LRP8: variants seen among roughly 807,000 people sequenced by gnomAD.
LRP8 encodes the protein LDL receptor related protein 8.
A neutral mutation model predicts 111.6 loss-of-function variants in LRP8; 46 were observed. That is an observed-to-expected ratio of 0.41 (90% CI 0.33 to 0.53). LRP8 has a LOEUF of 0.53. LRP8 is among the 20% of genes least tolerant of loss of function. The pLI is 0.20. For synonymous variants in LRP8, 464 were observed against 511.2 expected, an observed-to-expected ratio of 0.91 and a Z score of 1.24; for missense variants, 959 against 1,297.4, an observed-to-expected ratio of 0.74 and a Z score of 4.01.
intron 2 of LRP8, among the ~76,000 whole-genome samples, chr1:53,319,586 G>C (rs1654232036): frequency 6.6e-6 from 1 of 152,226 alleles, no homozygotes; most frequent in African/African-American, 2.4e-5. Flanking sequence ...GGCCCCACCA[G>C]AGACAAAGAG....
At position 53,257,251 on chromosome 1, in the gene LRP8, T is replaced by G. The variant is rs1044221278; in HGVS notation, c.2423A>C (p.His808Pro). The G allele has an allele frequency of 6.2e-7, 1 of 1,613,384 alleles. No individual in the cohort carries two copies. The highest frequency in any genetic ancestry group is 8.5e-7 in the Non-Finnish European group (1 of 1,179,902). ...PSTLSPATSNHSQHYANEDSK... is the reference protein window; with the variant it reads ...PSTLSPATSNPSQHYANEDSK... Reference sequence around the variant, plus strand: ...ACTCATTTCCTTACAGTGCTGGGAGTGGTTGCTGGTTGCAGGGCTTAGGGT... The same window carrying G: ...ACTCATTTCCTTACAGTGCTGGGAGGGGTTGCTGGTTGCAGGGCTTAGGGT... Residue 808 changes from histidine to proline, a missense_variant, in exon 15 of 19, where the codon CAC becomes CCC. By Grantham distance (77) the His-to-Pro change is moderately conservative. Coordinates refer to ENST00000306052, the MANE Select transcript of LRP8 (RefSeq NM_004631.5).
rs754588834 is a variant in LRP8, at chr1:53,260,540, C to T, written c.1980G>A (p.Leu660=). The change falls in exon 13 of 19, where the codon CTG becomes CTA. Residue 660 remains leucine (L), a synonymous_variant. Transcript: ENST00000306052. ...AIFSANRLNG[L]EISILAENLN... is the part of the protein sequence containing the mutation. ...GGTTCTCAGCCAGGATGGAGATTTC[C>T]AGGCCATTGAGCCGATTTGCACTGA... The T allele has an allele frequency of 3.7e-6, 6 of 1,614,166 alleles. No individual in the cohort carries two copies. Among genetic ancestry groups the T allele is most frequent in the Non-Finnish European group, 5.1e-6 (6 of 1,180,016 alleles).
At chr1:53,314,163 CCAGTGCTATGTGCTGTGCCA>C (rs917989099) in intron 2 of LRP8, among the ~76,000 whole-genome samples, 10 of 152,216 alleles carry the variant, frequency 6.6e-5, no homozygotes, top group African/African-American at 2.4e-4. Context: ...CCACAGCCCC[CCAGTGCTATGTGCTGTGCCA>C]CAGTCATTGC....
At position 53,277,109 on chromosome 1, in the gene LRP8, C is replaced by A. The variant is rs767645316; in HGVS notation, c.497-31G>T. Reference sequence around the variant, plus strand: ...CGGGACAGAGAGCCGGTCGGCCCGCCGACCCCCTCCCCGGCCGACCTGGGG... The same window carrying A: ...CGGGACAGAGAGCCGGTCGGCCCGCAGACCCCCTCCCCGGCCGACCTGGGG... On this transcript the variant is annotated intron_variant, in intron 4 of 18. Transcript: ENST00000306052. 9.7e-6 allele frequency: 14 copies of A among 1,450,246 alleles called. No homozygotes were observed. The African/African-American group carries it at 2.1e-4, about 21-fold the overall frequency. The allele number at this position is 1,450,246 out of a possible 1,614,324, so 89.8% of individuals were successfully genotyped here.
intron 2 of LRP8, among the ~76,000 whole-genome samples, chr1:53,300,896 C>A (rs1650704089): frequency 6.6e-6 from 1 of 152,220 alleles, no homozygotes; most frequent in South Asian, 2.1e-4. Flanking sequence ...TGCCCCTTAC[C>A]CTCTGGTGCC....
chr1:53,325,062 C>T lies in LRP8; in HGVS notation c.244+1811G>A, dbSNP rs187225178. On this transcript the variant is annotated intron_variant, in intron 2 of 18. Coordinates refer to ENST00000306052, the MANE Select transcript of LRP8 (RefSeq NM_004631.5). ...GGAGATAAGGCATAACCAGCCCAGACACGCAGTTTCTATTCCTTGCCTCGT... is the reference window on the plus strand; with the variant it reads ...GGAGATAAGGCATAACCAGCCCAGATACGCAGTTTCTATTCCTTGCCTCGT... 2.4e-4 allele frequency among the ~76,000 whole-genome samples: 36 copies of T among 152,356 alleles called. No homozygotes were observed. In the East Asian group the frequency reaches 4.8e-3, roughly 20 times the overall value.
At chr1:53,259,086 G>A (rs1646226361) in intron 13 of LRP8, among the ~76,000 whole-genome samples, 1 of 152,090 alleles carries the variant, frequency 6.6e-6, no homozygotes, top group Non-Finnish European at 1.5e-5. Context: ...CTCTGCAATT[G>A]TGAAGCCCTT....
rs1557882248 is a variant in LRP8, at chr1:53,327,771, G to A, written c.124+18C>T. 1.3e-6 allele frequency: 2 copies of A among 1,504,406 alleles called. No individual in the cohort carries two copies. Among genetic ancestry groups the A allele is most frequent in the Non-Finnish European group, 1.8e-6 (2 of 1,131,164 alleles). The allele number at this position is 1,504,406 out of a possible 1,614,324, so 93.2% of individuals were successfully genotyped here. A position where few individuals can be genotyped will look rare whatever the true frequency, so the allele number is the denominator to read the frequency against. On this transcript the variant is annotated intron_variant, in intron 1 of 18. Transcript: ENST00000306052. ...GCTAGGGCGGAGCAGAGCCGAGTCA[G>A]AGACCGGCTGCACGCACCTTGGCCG...
intron 6 of LRP8, among the ~76,000 whole-genome samples, chr1:53,274,138 C>T (rs755474256): frequency 1.3e-5 from 2 of 152,214 alleles, no homozygotes; most frequent in Non-Finnish European, 2.9e-5. Context: ...ATCCAGGTCT[C>T]GCTTTAGTCT....
In LRP8 at chr1:53,311,017, T is replaced by C. The variant is rs116855068; in HGVS notation, c.244+15856A>G. Among the ~76,000 whole-genome samples the C allele has an allele frequency of 1.4e-4, 22 of 152,120 alleles. No individual in the cohort carries two copies. In the East Asian group the frequency reaches 3.9e-3, roughly 27 times the overall value. ...AGGAAATGCAGGAGGCCCTATGCCA[T>C]GAAAAGGGGCTTGGGAAACATCCAG... On this transcript the variant is annotated intron_variant, in intron 2 of 18. Transcript: ENST00000306052.
intron 6 of LRP8, chr1:53,272,575 G>A (rs1382343118): frequency 7.7e-7 from 1 of 1,291,100 alleles, no homozygotes; most frequent in East Asian, 5.5e-5. Context: ...CTTCCAGCCT[G>A]AGCCATGCTT....
intron 4 of LRP8, among the ~76,000 whole-genome samples, chr1:53,278,203 C>T (rs528710271): frequency 1.4e-3 from 215 of 152,320 alleles, no homozygotes; most frequent in Middle Eastern, 3.4e-3. Context: ...CCTACTCTGA[C>T]TCCTCCTCTT....
intron 2 of LRP8, among the ~76,000 whole-genome samples, chr1:53,298,249 C>T (rs111228938): frequency 0.021 from 3,209 of 152,324 alleles, 67 homozygotes; most frequent in Non-Finnish European, 0.026. Context: ...CCTGTCACCA[C>T]AGGGAAGAAG....
chr1:53,265,798 T>C (rs1646531598), intron 9 of LRP8, among the ~76,000 whole-genome samples: 1 of 152,228 alleles, frequency 6.6e-6, no homozygotes, highest in South Asian at 2.1e-4. Flanking sequence ...TCCTGCCAAG[T>C]GGATCTCAGG....
Position 53,245,583 on chromosome 1 carries a change from C to G in LRP8, c.*1435G>C, listed in dbSNP as rs1400728224. ...TCCTTTTATTTACAAAGCAGTAAACCAAATTCCTGTGTGAACATAAATATC... is the reference window on the plus strand; with the variant it reads ...TCCTTTTATTTACAAAGCAGTAAACGAAATTCCTGTGTGAACATAAATATC... On this transcript the variant is annotated 3_prime_UTR_variant, in exon 19 of 19. Coordinates refer to ENST00000306052, the MANE Select transcript of LRP8 (RefSeq NM_004631.5). 1 of 152,138 alleles carries G rather than the reference C, an allele frequency of 6.6e-6. No individual in the cohort carries two copies. Among genetic ancestry groups the G allele is most frequent in the Non-Finnish European group, 1.5e-5 (1 of 68,020 alleles). 9.4% of individuals were successfully genotyped at this position (152,138 alleles called of 1,614,324 possible). A position where few individuals can be genotyped will look rare whatever the true frequency, so the allele number is the denominator to read the frequency against.
chr1:53,324,335 A>G (rs58316183), intron 2 of LRP8, among the ~76,000 whole-genome samples: 7,379 of 152,246 alleles, frequency 0.048, 470 homozygotes, highest in African/African-American at 0.14. Flanking sequence ...CCTGGCCCCA[A>G]CACAGCCACG....
intron 18 of LRP8, among the ~76,000 whole-genome samples, chr1:53,248,395 CCGA>C (rs1645791828): frequency 6.6e-6 from 1 of 152,124 alleles, no homozygotes; most frequent in Non-Finnish European, 1.5e-5. Flanking sequence ...GTACAGTTAT[CCGA>C]GAAATGGACA....
chr1:53,256,464 G>A (rs1646091856), intron 15 of LRP8, among the ~76,000 whole-genome samples: 1 of 152,228 alleles, frequency 6.6e-6, no homozygotes, highest in Admixed American at 6.5e-5. Context: ...TGCTCCATCT[G>A]CCTCTGCAAA....
intron 2 of LRP8, among the ~76,000 whole-genome samples, chr1:53,320,163 T>G (rs1191822899): frequency 6.6e-6 from 1 of 152,208 alleles, no homozygotes; most frequent in Non-Finnish European, 1.5e-5. Context: ...TTAACGTGAG[T>G]ATTTTAGATG....
Sources: gnomAD v4.1 joint callset for allele counts (sites outside exome capture counted in the v4.1 genomes callset) on GRCh38, gnomAD v4.1.1 for gene constraint, MANE v1.5 for transcripts, NCBI Gene and HGNC (gene_info 2026-07-23, HGNC 2026-07-21) for gene names.